Variants in ADAMTS3 observed in about 807,000 individuals in gnomAD.
The protein encoded by ADAMTS3 is A disintegrin and metalloproteinase with thrombospondin motifs 3.
A neutral mutation model predicts 129.0 loss-of-function variants in ADAMTS3; 73 were observed. That is an observed-to-expected ratio of 0.57 (90% CI 0.47 to 0.69). The LOEUF (loss-of-function observed/expected upper bound fraction) is 0.69, where lower values mean the gene tolerates loss of function less well. Among genes scored for constraint, ADAMTS3 ranks in the 30% least tolerant of loss-of-function variants. The pLI is 0.00. For synonymous variants in ADAMTS3, 477 were observed against 510.8 expected (o/e 0.93, Z 0.89); for missense variants, 1,457 against 1,514.5 (o/e 0.96, Z 0.63).
chr4:72,382,131 C>T (rs759822010), intron 4 of ADAMTS3, among the ~76,000 whole-genome samples: 6 of 152,086 alleles, frequency 3.9e-5, no homozygotes, highest in Admixed American at 6.6e-5. Flanking sequence ...TAACTTGTCA[C>T]GTAAGGACCC....
At chr4:72,437,162 C>T (rs866056762) in intron 3 of ADAMTS3, among the ~76,000 whole-genome samples, 20 of 151,780 alleles carry the variant, frequency 1.3e-4, no homozygotes, top group Non-Finnish European at 2.8e-4. Flanking sequence ...TTCTGTAAAA[C>T]TTCACACAAA....
At chr4:72,535,687 G>A (rs1420666510) in intron 3 of ADAMTS3, among the ~76,000 whole-genome samples, 3 of 151,964 alleles carry the variant, frequency 2.0e-5, no homozygotes, top group African/African-American at 2.4e-5. Context: ...CCTCCACAGA[G>A]GGGCAGAAAA....
intron 10 of ADAMTS3, among the ~76,000 whole-genome samples, chr4:72,316,645 G>A (rs1021559897): frequency 3.1e-4 from 47 of 151,730 alleles, no homozygotes; most frequent in Non-Finnish European, 6.6e-4. Context: ...CCGAGATCAA[G>A]CCACTGTACC....
At chr4:72,371,320 CATG>C (rs1324072450) in intron 4 of ADAMTS3, among the ~76,000 whole-genome samples, 3 of 151,960 alleles carry the variant, frequency 2.0e-5, no homozygotes, top group African/African-American at 7.3e-5. Flanking sequence ...AAAAGACTGT[CATG>C]CTGCATAAGA....
intron 4 of ADAMTS3, among the ~76,000 whole-genome samples, chr4:72,357,871 C>T (rs1227384856): frequency 6.6e-6 from 1 of 151,838 alleles, no homozygotes; most frequent in African/African-American, 2.4e-5. Context: ...TATCATATGC[C>T]AATGGCTTTG....
At chr4:72,420,805 A>G (rs1437764449) in intron 3 of ADAMTS3, among the ~76,000 whole-genome samples, 1 of 152,236 alleles carries the variant, frequency 6.6e-6, no homozygotes, top group Non-Finnish European at 1.5e-5. Context: ...ATTCACAGAA[A>G]CAGAAAAGCC....
chr4:72,391,293 T>C (rs1721588660), intron 4 of ADAMTS3, among the ~76,000 whole-genome samples: 2 of 152,198 alleles, frequency 1.3e-5, no homozygotes, highest in African/African-American at 2.4e-5. Flanking sequence ...ATATTGTCTC[T>C]CTCCCATTGC....
At chr4:72,508,421 A>G (rs1465931378) in intron 3 of ADAMTS3, among the ~76,000 whole-genome samples, 2 of 152,140 alleles carry the variant, frequency 1.3e-5, no homozygotes, top group Non-Finnish European at 2.9e-5. Flanking sequence ...ATTGGAGAAA[A>G]CAATGAGTAT....
intron 3 of ADAMTS3, among the ~76,000 whole-genome samples, chr4:72,528,071 A>C (rs1195170983): frequency 6.6e-6 from 1 of 152,188 alleles, no homozygotes; most frequent in Non-Finnish European, 1.5e-5. Flanking sequence ...CAAGTAATGT[A>C]CATGTGGCCA....
At chr4:72,326,636 C>T (rs1394933946) in intron 5 of ADAMTS3, among the ~76,000 whole-genome samples, 2 of 152,010 alleles carry the variant, frequency 1.3e-5, no homozygotes, top group African/African-American at 4.8e-5. Context: ...CAAGATCATA[C>T]AACTATACTC....
intron 3 of ADAMTS3, among the ~76,000 whole-genome samples, chr4:72,458,494 A>C (rs1718683348): frequency 6.6e-6 from 1 of 151,758 alleles, no homozygotes; most frequent in South Asian, 2.1e-4. Flanking sequence ...CTGGTATTTA[A>C]GTTAAGTGGT....
chr4:72,547,737 G>T (rs1721502475), intron 3 of ADAMTS3, among the ~76,000 whole-genome samples: 1 of 152,022 alleles, frequency 6.6e-6, no homozygotes, highest in Admixed American at 6.6e-5. Context: ...AAAAAAGACA[G>T]AAAACACCAA....
At chr4:72,289,416 T>A (rs1718601100) in intron 20 of ADAMTS3, among the ~76,000 whole-genome samples, 1 of 152,238 alleles carries the variant, frequency 6.6e-6, no homozygotes, top group Non-Finnish European at 1.5e-5. Context: ...GGAACTACTA[T>A]TTCTCTGTGC....
chr4:72,489,082 C>A (rs1719666128), intron 3 of ADAMTS3, among the ~76,000 whole-genome samples: 1 of 151,970 alleles, frequency 6.6e-6, no homozygotes, highest in African/African-American at 2.4e-5. Context: ...CCTCCAGATT[C>A]ATCCATGTTG....
intron 3 of ADAMTS3, among the ~76,000 whole-genome samples, chr4:72,482,321 T>G (rs1256242008): frequency 2.6e-5 from 4 of 151,672 alleles, no homozygotes; most frequent in Non-Finnish European, 5.9e-5. Context: ...ATAGTACACA[T>G]CAATAAAAAA....
chr4:72,430,869 A>C (rs1722681024), intron 3 of ADAMTS3, among the ~76,000 whole-genome samples: 1 of 151,790 alleles, frequency 6.6e-6, no homozygotes, highest in Admixed American at 6.6e-5. Context: ...CTGGAATAGA[A>C]GATGAGTTCT....
intron 4 of ADAMTS3, among the ~76,000 whole-genome samples, chr4:72,361,678 A>G (rs1167756976): frequency 6.6e-6 from 1 of 152,026 alleles, no homozygotes; most frequent in Non-Finnish European, 1.5e-5. Context: ...CAATCCTGCA[A>G]CTTTAGTCTT....
At chr4:72,403,707 A>T (rs1465250614) in intron 4 of ADAMTS3, among the ~76,000 whole-genome samples, 1 of 151,874 alleles carries the variant, frequency 6.6e-6, no homozygotes, top group East Asian at 1.9e-4. Context: ...ATCATTCCTC[A>T]TCCCAACTTA....
chr4:72,353,182 CA>C (rs2109846634), intron 4 of ADAMTS3, among the ~76,000 whole-genome samples: 1 of 152,054 alleles, frequency 6.6e-6, no homozygotes, highest in South Asian at 2.1e-4. Context: ...GAAATTGTAG[CA>C]ACAGGGCTTC....
Sources: allele counts gnomAD v4.1 joint callset (sites outside exome capture counted in the v4.1 genomes callset), GRCh38; gene constraint gnomAD v4.1.1; transcripts MANE v1.5; gene names NCBI Gene and HGNC (gene_info 2026-07-23, HGNC 2026-07-21).